The following RUNX1 variants were observed in gnomAD, a reference collection of about 807,000 sequenced individuals.
RUNX1 encodes the protein RUNX family transcription factor 1, also known as runt-related transcription factor 1.
A neutral mutation model predicts 42.8 loss-of-function variants in RUNX1; 19 were observed. The observed-to-expected ratio is 0.44, with a 90% confidence interval of 0.31 to 0.65. RUNX1 has a LOEUF of 0.65. Ranked by LOEUF, RUNX1 falls within the 30% of genes least tolerant of loss-of-function variation. RUNX1 has a pLI of 0.07. For synonymous variants in RUNX1, 271 were observed against 289.4 expected, an observed-to-expected ratio of 0.94 and a Z score of 0.64; for missense variants, 528 against 672.0, an observed-to-expected ratio of 0.79 and a Z score of 2.37.
chr21:34,922,163 T>C (rs1024860847), intron 2 of RUNX1, among the ~76,000 whole-genome samples: 2 of 152,110 alleles, frequency 1.3e-5, no homozygotes, highest in Non-Finnish European at 2.9e-5. Flanking sequence ...GAGACAGGAC[T>C]GTAAGTGGGG....
chr21:34,922,839 C>T (rs1457464662), intron 2 of RUNX1, among the ~76,000 whole-genome samples: 29 of 152,158 alleles, frequency 1.9e-4, no homozygotes. Context: ...AGATGGAAAA[C>T]ATCAGAATCA....
Position 34,874,610 on chromosome 21 carries a change from C to CAAAAAAAAAAAAAAAA in RUNX1, c.508+5931_508+5946dup, listed in dbSNP as rs59950735. 2.0e-4 allele frequency among the ~76,000 whole-genome samples: 5 copies of CAAAAAAAAAAAAAAAA among 25,300 alleles called. 1 individual carries two copies. The highest frequency in any genetic ancestry group is 1.1e-3 in the African/African-American group (5 of 4,368). The allele number at this position is 25,300 out of a possible 152,430, so 16.6% of individuals were successfully genotyped here. On this transcript the variant is annotated intron_variant, in intron 5 of 8. Transcript: ENST00000675419. ...AGGCAACAAGAGGGAAACTCTGTCTCAAAAAAAAAAAAAAAAAAAAAAAAA... is the reference window on the plus strand; with the variant it reads ...AGGCAACAAGAGGGAAACTCTGTCTCAAAAAAAAAAAAAAAAAAAAAAAAAAAAAAAAAAAAAAAAA...
At position 34,943,188 on chromosome 21, in the gene RUNX1, G is replaced by T. The variant is rs558310143; in HGVS notation, c.59-50225C>A. Among the ~76,000 whole-genome samples, 16 of 152,292 alleles carry T rather than the reference G, an allele frequency of 1.1e-4. No individual in the cohort carries two copies. The South Asian group carries it at 2.9e-3, about 28-fold the overall frequency. ...AGTGAAAACAAACTAATTTCATTCTGACTGTTCTACTGTTCGGGGTTTTAT... is the reference window on the plus strand; with the variant it reads ...AGTGAAAACAAACTAATTTCATTCTTACTGTTCTACTGTTCGGGGTTTTAT... On this transcript the variant is annotated intron_variant, in intron 2 of 8. Coordinates refer to ENST00000675419, the MANE Select transcript of RUNX1 (RefSeq NM_001754.5).
intron 2 of RUNX1, among the ~76,000 whole-genome samples, chr21:34,905,744 A>G (rs186860658): frequency 1.3e-5 from 2 of 152,338 alleles, no homozygotes; most frequent in East Asian, 3.9e-4. Flanking sequence ...AAAAGTTAAT[A>G]CTTCCTTGGT....
rs10584066 is a variant in RUNX1 at position 34,909,588 on chromosome 21, CAAAAAA to C, written c.59-16631_59-16626del. 1.4e-3 allele frequency among the ~76,000 whole-genome samples: 107 copies of C among 75,024 alleles called. 1 individual carries two copies. The highest frequency in any genetic ancestry group is 6.6e-3 in the African/African-American group (105 of 16,006). 49.2% of individuals were successfully genotyped at this position (75,024 alleles called of 152,430 possible). A position where few individuals can be genotyped will look rare whatever the true frequency, so the allele number is the denominator to read the frequency against. On this transcript the variant is annotated intron_variant, in intron 2 of 8. Transcript: ENST00000675419. ...TTATACAGACCAGGTCACTGTTCCT[CAAAAAA>C]AAAAAAAAAAAAAAGATGGTGTTCT...
chr21:34,912,761 T>C (rs1035545870), intron 2 of RUNX1, among the ~76,000 whole-genome samples: 12 of 152,182 alleles, frequency 7.9e-5, no homozygotes, highest in Non-Finnish European at 7.4e-5. Flanking sequence ...TGTTTCCAGA[T>C]ATACAGGACA....
chr21:34,894,924 CACACATAT>C (rs1386306762), intron 2 of RUNX1, among the ~76,000 whole-genome samples: 8 of 130,822 alleles, frequency 6.1e-5, no homozygotes, highest in African/African-American at 2.7e-4. Context: ...CACACACACA[CACACATAT>C]TCATATCTAC....
At chr21:34,978,094 T>C (rs941287237) in intron 2 of RUNX1, among the ~76,000 whole-genome samples, 2 of 152,126 alleles carry the variant, frequency 1.3e-5, no homozygotes, top group East Asian at 1.9e-4. Context: ...CGTGCCACCA[T>C]GCCCGGCTAA....
chr21:34,963,634 C>T (rs542666210), intron 2 of RUNX1, among the ~76,000 whole-genome samples: 1 of 152,312 alleles, frequency 6.6e-6, no homozygotes, highest in South Asian at 2.1e-4. Context: ...GATTCTCCCT[C>T]CCTTGATCTG....
intron 7 of RUNX1, among the ~76,000 whole-genome samples, chr21:34,818,697 A>T (rs1189153238): frequency 1.3e-5 from 2 of 152,220 alleles, no homozygotes; most frequent in Non-Finnish European, 2.9e-5. Context: ...TAACACACAC[A>T]ACATAAATCA....
intron 3 of RUNX1, chr21:34,887,518 T>C (rs2058015943): frequency 8.6e-7 from 1 of 1,160,858 alleles, no homozygotes; most frequent in Non-Finnish European, 1.1e-6. Flanking sequence ...AAACACATTA[T>C]TTGGAAGTTC....
intron 2 of RUNX1, among the ~76,000 whole-genome samples, chr21:34,910,908 C>A (rs1019807937): frequency 5.3e-5 from 8 of 152,082 alleles, no homozygotes; most frequent in African/African-American, 1.9e-4. Context: ...GTAGCTAGGA[C>A]TACAGACACA....
chr21:34,967,074 G>T (rs529306628), intron 2 of RUNX1, among the ~76,000 whole-genome samples: 1 of 151,698 alleles, frequency 6.6e-6, no homozygotes, highest in African/African-American at 2.4e-5. Context: ...TTCCCAGGCC[G>T]GGCGCGGCGG....
chr21:34,982,168 A>G (rs186260633), intron 2 of RUNX1, among the ~76,000 whole-genome samples: 1 of 152,222 alleles, frequency 6.6e-6, no homozygotes, highest in Non-Finnish European at 1.5e-5. Flanking sequence ...TTATCTACTC[A>G]AGTCATTATA....
chr21:35,024,998 G>A (rs2059225454), intron 2 of RUNX1, among the ~76,000 whole-genome samples: 1 of 152,172 alleles, frequency 6.6e-6, no homozygotes, highest in Admixed American at 6.5e-5. Flanking sequence ...AAAGTAAGGA[G>A]GATTTACTTG....
At chr21:34,863,157 C>T (rs539176166) in intron 5 of RUNX1, among the ~76,000 whole-genome samples, 1 of 152,318 alleles carries the variant, frequency 6.6e-6, no homozygotes, top group African/African-American at 2.4e-5. Flanking sequence ...TTCCCAAAGT[C>T]ACACAGCTTT....
rs868410244 is a variant in RUNX1 at position 34,792,716 on chromosome 21, G to A, written c.968-106C>T. 1.5e-4 allele frequency: 168 copies of A among 1,130,514 alleles called. 1 individual carries two copies. In the Middle Eastern group the frequency reaches 2.5e-3, roughly 17 times the overall value. 70.0% of individuals were successfully genotyped at this position (1,130,514 alleles called of 1,614,324 possible). On this transcript the variant is annotated intron_variant, in intron 8 of 8. Transcript: ENST00000675419. The surrounding 1 kb of genome is among the most constrained non-coding windows in gnomAD (Gnocchi z 6.9). Reference sequence around the variant, plus strand: ...TACCCAGGATGATACCGCCTAGGAGGATGGGAAGCCACCCAGGATGCTACT... The same window carrying A: ...TACCCAGGATGATACCGCCTAGGAGAATGGGAAGCCACCCAGGATGCTACT...
At chr21:35,007,917 A>G (rs1184217815) in intron 2 of RUNX1, among the ~76,000 whole-genome samples, 1 of 152,122 alleles carries the variant, frequency 6.6e-6, no homozygotes, top group African/African-American at 2.4e-5. Context: ...TCAGCCTGGC[A>G]TTCACAGCCC....
intron 6 of RUNX1, among the ~76,000 whole-genome samples, chr21:34,842,063 C>T (rs867805079): frequency 1.3e-5 from 2 of 152,180 alleles, no homozygotes; most frequent in Admixed American, 1.3e-4. Flanking sequence ...AATCACCCTC[C>T]ACTAGGTTGT....
Sources: allele counts gnomAD v4.1 joint callset (sites outside exome capture counted in the v4.1 genomes callset), GRCh38; gene constraint gnomAD v4.1.1; non-coding constraint Gnocchi (gnomAD v3.1); transcripts MANE v1.5; gene names NCBI Gene and HGNC (gene_info 2026-07-23, HGNC 2026-07-21).